The following GOLGA1 variants were observed in gnomAD, a reference collection of about 807,000 sequenced individuals.
The protein encoded by GOLGA1 is golgin subfamily A member 1.
In GOLGA1, 63 loss-of-function variants were observed where a neutral mutation model predicts 119.7. The observed-to-expected ratio is 0.53, with a 90% CI of 0.43 to 0.65. The LOEUF (loss-of-function observed/expected upper bound fraction) is 0.65. Ranked by LOEUF, GOLGA1 falls within the 30% of genes least tolerant of loss-of-function variation. The pLI is 0.00. For missense variants in GOLGA1, 798 were observed against 912.8 expected, an observed-to-expected ratio of 0.87 and a Z score of 1.62; for synonymous variants, 318 against 333.4, an observed-to-expected ratio of 0.95 and a Z score of 0.50.
chr9:124,918,124 C>CT (rs1278718365), intron 10 of GOLGA1, among the ~76,000 whole-genome samples: 1 of 152,106 alleles, frequency 6.6e-6, no homozygotes, highest in Non-Finnish European at 1.5e-5. Context: ...AGTGCTGGGA[C>CT]TGCAGGCGTA....
chr9:124,899,305 A>G (rs1429719092), intron 14 of GOLGA1, 24 bp downstream of exon 14: 8 of 1,526,248 alleles, frequency 5.2e-6, no homozygotes, highest in East Asian at 2.5e-5. Flanking sequence ...TCCTGGGCCC[A>G]CCCTCTCTTA....
At chr9:124,910,921 G>A (rs916663026) in intron 11 of GOLGA1, among the ~76,000 whole-genome samples, 1 of 152,190 alleles carries the variant, frequency 6.6e-6, no homozygotes, top group African/African-American at 2.4e-5. Context: ...TGGAAAAACT[G>A]TCTTCCACGA....
Position 124,880,419 on chromosome 9 carries a change from G to C in GOLGA1, c.*111C>G. 1 of 698,190 alleles carries C rather than the reference G, an allele frequency of 1.4e-6. No homozygotes were observed. The highest frequency in any genetic ancestry group is 1.4e-5 in the South Asian group (1 of 69,028). The allele number at this position is 698,190 out of a possible 1,614,324, so 43.2% of individuals were successfully genotyped here. ...TCTTGTAAACAATGTTTAGACACTT[G>C]TACAAAATACTGCAGTTACAGTGAT... On this transcript the variant is annotated 3_prime_UTR_variant, in exon 23 of 23. Coordinates refer to ENST00000373555, the MANE Select transcript of GOLGA1 (RefSeq NM_002077.4).
chr9:124,886,531 G>GTGGGAA (rs1471984840), intron 19 of GOLGA1, among the ~76,000 whole-genome samples: 2 of 152,164 alleles, frequency 1.3e-5, no homozygotes, highest in African/African-American at 2.4e-5. Context: ...GAGAAGAGGA[G>GTGGGAA]TGGGAATGGA....
chr9:124,924,043 A>G (rs1482549367), intron 7 of GOLGA1, among the ~76,000 whole-genome samples: 2 of 152,096 alleles, frequency 1.3e-5, no homozygotes, highest in Non-Finnish European at 2.9e-5. Flanking sequence ...TTTAGCAGAG[A>G]TGAGGTTTCA....
At chr9:124,883,297 T>A (rs891497452) in intron 19 of GOLGA1, among the ~76,000 whole-genome samples, 6 of 151,820 alleles carry the variant, frequency 4.0e-5, no homozygotes, top group Admixed American at 3.3e-4. Context: ...TCCTTCTTTT[T>A]TTTTTAAGAT....
In GOLGA1 at chr9:124,929,207, A is replaced by T. The variant is rs751616188; in HGVS notation, c.301+9T>A. On this transcript the variant is annotated intron_variant, in intron 5 of 22. Transcript: ENST00000373555. ...AAAAGATTGAAAAAAGCAGGAAAAA[A>T]ATACGTACAATCCTGGTGTTTTTCT... is the stretch of plus-strand genomic sequence containing the variant. 1 of 1,548,354 alleles carries T rather than the reference A, an allele frequency of 6.5e-7. No individual in the cohort carries two copies. Among genetic ancestry groups the T allele is most frequent in the East Asian group, 2.2e-5 (1 of 44,578 alleles).
rs11435294 is a variant in GOLGA1 at position 124,903,651 on chromosome 9, C to CAA, written c.1066-3106_1066-3105dup. On this transcript the variant is annotated intron_variant, in intron 12 of 22. Coordinates refer to ENST00000373555, the MANE Select transcript of GOLGA1 (RefSeq NM_002077.4). ...CTCCACAAAAAGGGGAGAAAAAGAC[C>CAA]AAAAAAAAAAAAAAAAAAAAAGACA... 1.8e-3 allele frequency among the ~76,000 whole-genome samples: 166 copies of CAA among 91,214 alleles called. 1 individual carries two copies. Among genetic ancestry groups the CAA allele is most frequent in the Middle Eastern group, 8.1e-3 (1 of 124 alleles). The allele number at this position is 91,214 out of a possible 152,430, so 59.8% of individuals were successfully genotyped here.
At position 124,888,428 on chromosome 9, in the gene GOLGA1, G is replaced by GA; in HGVS notation, c.1762-33_1762-32insT. 1 of 1,609,674 alleles carries GA rather than the reference G, an allele frequency of 6.2e-7. No individual in the cohort carries two copies. On this transcript the variant is annotated intron_variant, in intron 18 of 22. Transcript: ENST00000373555. The surrounding 1 kb of genome is among the most constrained non-coding windows in gnomAD (Gnocchi z 4.4). ...GGTGGCAGCAGCAAATTGAGAGCCAGGACAGGTCAGGTGAAGCTGAGCCAC... is the reference window on the plus strand; with the variant it reads ...GGTGGCAGCAGCAAATTGAGAGCCAGAGACAGGTCAGGTGAAGCTGAGCCAC...
intron 13 of GOLGA1, chr9:124,900,136 G>C: frequency 4.1e-6 from 1 of 245,964 alleles, no homozygotes. Flanking sequence ...TGTTCTCCCC[G>C]CCCCTGATTG....
At chr9:124,896,545 G>A (rs1445109201) in intron 15 of GOLGA1, among the ~76,000 whole-genome samples, 1 of 152,240 alleles carries the variant, frequency 6.6e-6, no homozygotes, top group Non-Finnish European at 1.5e-5. Context: ...CTCCTAAACA[G>A]TCTTCTTGCT....
intron 19 of GOLGA1, among the ~76,000 whole-genome samples, chr9:124,886,577 G>A (rs1002547343): frequency 2.6e-5 from 4 of 152,130 alleles, no homozygotes; most frequent in South Asian, 2.1e-4. Flanking sequence ...ATGTCAGCAC[G>A]GCAGGTGAGC....
At chr9:124,934,734 G>A (rs1830831772) in intron 3 of GOLGA1, among the ~76,000 whole-genome samples, 1 of 152,120 alleles carries the variant, frequency 6.6e-6, no homozygotes, top group East Asian at 1.9e-4. Context: ...GGAGAGACAT[G>A]AACAGATCTG....
At chr9:124,946,020 C>T (rs997282329), upstream of GOLGA1, 1 of 152,192 alleles carries the variant, frequency 6.6e-6, no homozygotes, top group South Asian at 2.1e-4. This position sits in a 1 kb window ranked among gnomAD's most constrained non-coding sequence, Gnocchi z 4.0. Context: ...ATTGGCTTTA[C>T]AACGGTTGGG....
chr9:124,907,724 T>A (rs1176485489), intron 12 of GOLGA1, among the ~76,000 whole-genome samples: 1 of 152,130 alleles, frequency 6.6e-6, no homozygotes, highest in East Asian at 1.9e-4. Flanking sequence ...TTAATCACCA[T>A]AGCAATGCAA....
chr9:124,931,899 T>C (rs1298236957), intron 3 of GOLGA1, among the ~76,000 whole-genome samples: 5 of 152,192 alleles, frequency 3.3e-5, no homozygotes, highest in Non-Finnish European at 7.3e-5. Context: ...CAGCAGATAA[T>C]ATGCATTCAA....
rs1190261988 is a variant in GOLGA1 at position 124,878,333 on chromosome 9, TACTGAC to T, written c.*2191_*2196del. On this transcript the variant is annotated 3_prime_UTR_variant, in exon 23 of 23. Transcript: ENST00000373555. Reference sequence around the variant, plus strand: ...TACCAGATTTAATGAGTCAAAGAAATACTGACACACCAAACTAGTAAAATCCATTGT... The same window carrying T: ...TACCAGATTTAATGAGTCAAAGAAATACACCAAACTAGTAAAATCCATTGT... 4 of 152,294 alleles carry T rather than the reference TACTGAC, an allele frequency of 2.6e-5. No homozygotes were observed. The highest frequency in any genetic ancestry group is 1.3e-4 in the Admixed American group (2 of 15,276). The allele number at this position is 152,294 out of a possible 1,614,324, so 9.4% of individuals were successfully genotyped here.
chr9:124,934,077 CTTTA>C (rs1830821105), intron 3 of GOLGA1, among the ~76,000 whole-genome samples: 1 of 152,094 alleles, frequency 6.6e-6, no homozygotes, highest in South Asian at 2.1e-4. Context: ...GACACACATA[CTTTA>C]ATAAAGGTAG....
chr9:124,900,208 C>T, intron 13 of GOLGA1: 1 of 353,922 alleles, frequency 2.8e-6, no homozygotes. Flanking sequence ...CCAGGCTGGA[C>T]CAGAAGGTGG....
Sources: gnomAD v4.1 joint callset for allele counts (sites outside exome capture counted in the v4.1 genomes callset) on GRCh38, gnomAD v4.1.1 for gene constraint, Gnocchi (gnomAD v3.1) non-coding constraint, MANE v1.5 for transcripts, NCBI Gene and HGNC (gene_info 2026-07-23, HGNC 2026-07-21) for gene names.